Variants in TMEM245 observed in about 807,000 individuals in gnomAD.
The protein encoded by TMEM245 is transmembrane protein 245, also known as protein CG-2.
A neutral mutation model predicts 101.2 loss-of-function variants in TMEM245; 69 were observed. That is an observed-to-expected ratio of 0.68 (90% CI 0.56 to 0.83). The LOEUF is 0.83. Ranked by LOEUF, TMEM245 falls within the 40% of genes least tolerant of loss-of-function variation. The pLI, the probability that TMEM245 is intolerant of heterozygous loss-of-function variation, is 0.00. For missense variants in TMEM245, 1,075 were observed against 1,092.8 expected, an observed-to-expected ratio of 0.98 and a Z score of 0.23; for synonymous variants, 537 against 449.8, an observed-to-expected ratio of 1.19 and a Z score of -2.45.
chr9:109,052,338 A>C (rs183791726), intron 12 of TMEM245, among the ~76,000 whole-genome samples: 1 of 152,370 alleles, frequency 6.6e-6, no homozygotes, highest in Admixed American at 6.5e-5. Flanking sequence ...AAATTTTTAG[A>C]AAACTTGCCC....
chr9:109,060,364 C>A lies in TMEM245; in HGVS notation c.1712G>T (p.Trp571Leu), dbSNP rs1202377122. 6.2e-7 allele frequency: 1 copy of A among 1,610,734 alleles called. No homozygotes were observed. Among genetic ancestry groups the A allele is most frequent in the Admixed American group, 1.7e-5 (1 of 59,630 alleles). ...GCTAAAATAACTTACCTTTACAAAC[C>A]AAGAGTGATACAGTCTGTCCCAAAG... ...LELWDRLYHS[W>L]FVKNVTHSGR... Residue 571 changes from tryptophan (W) to leucine (L), a missense_variant, in exon 11 of 18, where the codon TGG (tryptophan) becomes TTG (leucine). By Grantham distance (61) the Trp-to-Leu change is moderately conservative (BLOSUM62 -2). This residue lies in a region of TMEM245 where 808 missense variants were observed against 741.5 expected (regional missense o/e 1.09). Transcript: ENST00000374586.
chr9:109,108,456 A>C lies in TMEM245; in HGVS notation c.694T>G (p.Leu232Val). ...IPVWIILLFH[L>V]ASLAGSWRIP... ...AAAAAAAAAAGAAGGAACCCACCTA[A>C]ATGAAAAAGCAATATAATCCAGACA... The change falls in exon 2 of 18, where the codon TTA becomes GTA. Residue 232 changes from leucine to valine, a missense_variant. This residue lies in a region of TMEM245 where 808 missense variants were observed against 741.5 expected (regional missense o/e 1.09). Coordinates refer to ENST00000374586, the MANE Select transcript of TMEM245 (RefSeq NM_032012.4). The C allele has an allele frequency of 6.4e-7, 1 of 1,551,654 alleles. No individual in the cohort carries two copies. Among genetic ancestry groups the C allele is most frequent in the Non-Finnish European group, 8.7e-7 (1 of 1,150,962 alleles).
At chr9:109,112,494 T>C (rs1162480898) in intron 1 of TMEM245, among the ~76,000 whole-genome samples, 3 of 150,512 alleles carry the variant, frequency 2.0e-5, no homozygotes, top group Admixed American at 6.6e-5. Flanking sequence ...TGAGCCGAGA[T>C]TGCACCATTG....
In TMEM245 at chr9:109,037,433, G is replaced by T. The variant is rs188112690; in HGVS notation, c.2224+584C>A. On this transcript the variant is annotated intron_variant, in intron 15 of 17. Coordinates refer to ENST00000374586, the MANE Select transcript of TMEM245 (RefSeq NM_032012.4). ...ATCTGTGTCCCCACCAAAATCCCAT[G>T]TCAAATTGTAATCCCCAATGTTGGA... Among the ~76,000 whole-genome samples the T allele has an allele frequency of 2.0e-5, 3 of 152,350 alleles. No homozygotes were observed. In the East Asian group the frequency reaches 5.8e-4, roughly 29 times the overall value.
At chr9:109,047,193 T>C (rs1427475138) in intron 14 of TMEM245, among the ~76,000 whole-genome samples, 3 of 152,210 alleles carry the variant, frequency 2.0e-5, no homozygotes, top group Non-Finnish European at 2.9e-5. Context: ...ATTTTTTCTG[T>C]ATTTAAAATA....
At chr9:109,033,062 G>A (rs2132310559) in intron 17 of TMEM245, among the ~76,000 whole-genome samples, 1 of 152,264 alleles carries the variant, frequency 6.6e-6, no homozygotes, top group Middle Eastern at 3.4e-3. Context: ...TTCTCCCAAA[G>A]TGCTGGGATT....
chr9:109,114,631 G>C (rs1224672852), intron 1 of TMEM245, among the ~76,000 whole-genome samples: 1 of 152,174 alleles, frequency 6.6e-6, no homozygotes, highest in African/African-American at 2.4e-5. Flanking sequence ...TGGGATCAGA[G>C]ACCACAGAAA....
At chr9:109,097,544 C>T (rs150415442) in intron 3 of TMEM245, among the ~76,000 whole-genome samples, 1 of 152,282 alleles carries the variant, frequency 6.6e-6, no homozygotes, top group East Asian at 1.9e-4. Flanking sequence ...TAGTTAACGT[C>T]GAGATGTCCC....
intron 1 of TMEM245, among the ~76,000 whole-genome samples, chr9:109,115,638 C>A (rs1830704145): frequency 6.9e-6 from 1 of 144,258 alleles, no homozygotes; most frequent in Non-Finnish European, 1.5e-5. Context: ...TCAAGCAATT[C>A]TCCTGCCTCA....
At position 109,119,652 on chromosome 9, in the gene TMEM245, C is replaced by A; in HGVS notation, c.262G>T (p.Val88Leu). 3.2e-6 allele frequency: 5 copies of A among 1,557,304 alleles called. No homozygotes were observed. The highest frequency in any genetic ancestry group is 4.3e-6 in the Non-Finnish European group (5 of 1,153,320). ...GGGTGCAGAAAAGTGCCGCATAGCA[C>A]GGCCCAGAGCAGCGGCCGCAGGAAG... ...EAFLRPLLWA[V>L]LCGTFLHPFK... is the part of the protein sequence containing the mutation. Residue 88 changes from valine to leucine, a missense_variant, in exon 1 of 18, where the codon GTG becomes TTG. Val to Leu is a conservative substitution (Grantham distance 32, BLOSUM62 1). Coordinates refer to ENST00000374586, the MANE Select transcript of TMEM245 (RefSeq NM_032012.4).
chr9:109,084,160 C>T (rs1829766734), intron 7 of TMEM245, among the ~76,000 whole-genome samples: 1 of 151,788 alleles, frequency 6.6e-6, no homozygotes, highest in Non-Finnish European at 1.5e-5. Context: ...CCCATGTGTG[C>T]TCTCTCACCC....
At position 109,093,467 on chromosome 9, in the gene TMEM245, T is replaced by A; in HGVS notation, c.916+8A>T. ...AATAACCTTGAATGTCACCAGAACATCAGTCACCTGCAGGCTGAGTGGAGG... is the reference window on the plus strand; with the variant it reads ...AATAACCTTGAATGTCACCAGAACAACAGTCACCTGCAGGCTGAGTGGAGG... On this transcript the variant is annotated splice_region_variant and intron_variant, in intron 4 of 17. Coordinates refer to ENST00000374586, the MANE Select transcript of TMEM245 (RefSeq NM_032012.4). The A allele has an allele frequency of 6.2e-7, 1 of 1,605,564 alleles. No individual in the cohort carries two copies. Among genetic ancestry groups the A allele is most frequent in the Non-Finnish European group, 8.5e-7 (1 of 1,175,358 alleles).
chr9:109,085,464 A>G (rs549179519), intron 7 of TMEM245, among the ~76,000 whole-genome samples: 18 of 152,342 alleles, frequency 1.2e-4, no homozygotes, highest in African/African-American at 4.3e-4. Flanking sequence ...ATTCGATGTC[A>G]CAGGTCATGA....
In TMEM245 at chr9:109,087,305, A is replaced by G; in HGVS notation, c.1188T>C (p.Val396=). The change falls in exon 6 of 18, where the codon GTT becomes GTC. Residue 396 remains valine (V), a synonymous_variant. Transcript: ENST00000374586. ...ILKKLVIHFG[V]VDFLEKRYHV... is the part of the protein sequence containing the mutation. ...GGTAGCGTTTCTCTAGGAAATCCAC[A>G]ACTCCAAAGTGAATGACAAGCTTTT... The G allele has an allele frequency of 6.2e-7, 1 of 1,610,428 alleles. No individual in the cohort carries two copies. The highest frequency in any genetic ancestry group is 8.5e-7 in the Non-Finnish European group (1 of 1,178,796).
At chr9:109,070,559 A>G (rs1329809717) in intron 9 of TMEM245, among the ~76,000 whole-genome samples, 6 of 152,184 alleles carry the variant, frequency 3.9e-5, no homozygotes, top group Non-Finnish European at 8.8e-5. Context: ...GGTTTACTCT[A>G]GAAGCTTTTA....
intron 10 of TMEM245, among the ~76,000 whole-genome samples, chr9:109,064,080 G>C (rs983379254): frequency 4.6e-5 from 7 of 151,780 alleles, no homozygotes; most frequent in African/African-American, 7.3e-5. Context: ...AGGCTTCTTA[G>C]AAACAGTAAA....
chr9:109,020,080 A>G lies in TMEM245; in HGVS notation c.*380T>C, dbSNP rs1827573196. 6.4e-6 allele frequency: 1 copy of G among 156,464 alleles called. No individual in the cohort carries two copies. Among genetic ancestry groups the G allele is most frequent in the African/African-American group, 2.4e-5 (1 of 41,578 alleles). The allele number at this position is 156,464 out of a possible 1,614,324, so 9.7% of individuals were successfully genotyped here. A position where few individuals can be genotyped will look rare whatever the true frequency, so the allele number is the denominator to read the frequency against. On this transcript the variant is annotated 3_prime_UTR_variant, in exon 18 of 18. Transcript: ENST00000374586. The stretch of plus-strand genomic sequence containing the variant: ...ATTTCTTAAACCAGGAAAAAATTAC[A>G]CCATCTATTCTTTTAACAGCAGGTA...
At chr9:109,028,950 C>T (rs1286009208) in intron 17 of TMEM245, among the ~76,000 whole-genome samples, 1 of 152,134 alleles carries the variant, frequency 6.6e-6, no homozygotes, top group Non-Finnish European at 1.5e-5. Context: ...GCCTGAACTC[C>T]CGACCCACAG....
intron 14 of TMEM245, chr9:109,039,457 G>C (rs1828237855): frequency 6.6e-6 from 1 of 152,318 alleles, no homozygotes; most frequent in Non-Finnish European, 1.5e-5. Flanking sequence ...GTGTCTCAAA[G>C]TCATGGAGAA....
Sources: allele counts gnomAD v4.1 joint callset (sites outside exome capture counted in the v4.1 genomes callset), GRCh38; gene constraint gnomAD v4.1.1; regional missense constraint gnomAD v4.1.1; transcripts MANE v1.5; gene names NCBI Gene and HGNC (gene_info 2026-07-23, HGNC 2026-07-21).